The following ZNF281 variants were observed in gnomAD, a reference collection of about 807,000 sequenced individuals.
The protein encoded by ZNF281 is zinc finger protein 281.
A neutral mutation model predicts 58.8 loss-of-function variants in ZNF281; 2 were observed. The ratio of observed to expected loss-of-function variants is 0.03; its 90% CI spans 0.01 to 0.11. The LOEUF (loss-of-function observed/expected upper bound fraction) is 0.11, where lower values mean the gene tolerates loss of function less well. Among genes scored for constraint, ZNF281 ranks in the 10% least tolerant of loss-of-function variants. The pLI, the probability that ZNF281 is intolerant of heterozygous loss-of-function variation, is 1.00. For synonymous variants in ZNF281, 465 were observed against 407.7 expected (o/e 1.14, Z -1.69); for missense variants, 975 against 1,090.7 (o/e 0.89, Z 1.49).
intron 1 of ZNF281, 54 bp downstream of exon 1, chr1:200,409,892 C>A: frequency 1.1e-6 from 1 of 871,474 alleles, no homozygotes; most frequent in Non-Finnish European, 1.7e-6. Flanking sequence ...CATGGTCCTG[C>A]GACTCTTCCC....
Position 200,409,427 on chromosome 1 carries a change from C to A in ZNF281, c.279G>T (p.Pro93=), listed in dbSNP as rs1413170091. The A allele has an allele frequency of 6.7e-7, 1 of 1,499,846 alleles. No individual in the cohort carries two copies. The highest frequency in any genetic ancestry group is 1.3e-5 in the South Asian group (1 of 79,624). The allele number at this position is 1,499,846 out of a possible 1,614,324, so 92.9% of individuals were successfully genotyped here. A position where few individuals can be genotyped will look rare whatever the true frequency, so the allele number is the denominator to read the frequency against. ...TCTTGAAAGTCATGTCCGGGGCTGG[C>A]GGAGGGGGGGGCTCAGCGGCCGGGG... ...SAAPAAEPPP[P]PAPDMTFKKE... The change falls in exon 2 of 2, where the codon CCG becomes CCT. Residue 93 remains proline, a synonymous_variant. Coordinates refer to ENST00000367353, the MANE Select transcript of ZNF281 (RefSeq NM_001281293.2).
In ZNF281 at chr1:200,406,671, T is replaced by A. The variant is rs1654457907; in HGVS notation, c.*347A>T. The A allele has an allele frequency of 5.3e-6, 1 of 187,258 alleles. No individual in the cohort carries two copies. Among genetic ancestry groups the A allele is most frequent in the Non-Finnish European group, 1.1e-5 (1 of 91,590 alleles). 11.6% of individuals were successfully genotyped at this position (187,258 alleles called of 1,614,324 possible). A position where few individuals can be genotyped will look rare whatever the true frequency, so the allele number is the denominator to read the frequency against. On this transcript the variant is annotated 3_prime_UTR_variant, in exon 2 of 2. Transcript: ENST00000367353. The stretch of plus-strand genomic sequence containing the variant: ...AAAGCAATTAGAATAACCTTAATCC[T>A]AGCAACAAAGTTTTTTTTGTAGGTT...
In ZNF281 at chr1:200,409,073, C is replaced by T. The variant is rs141060939; in HGVS notation, c.633G>A (p.Glu211=). The T allele has an allele frequency of 9.1e-5, 147 of 1,614,064 alleles. No homozygotes were observed. Among genetic ancestry groups the T allele is most frequent in the Non-Finnish European group, 1.1e-4 (132 of 1,180,046 alleles). Residue 211 remains glutamate, a synonymous_variant, in exon 2 of 2, where the codon GAG becomes GAA. Transcript: ENST00000367353. ...SRTDDHHGTE[E]PKQDTNVKKA... The stretch of plus-strand genomic sequence containing the variant: ...TTTTGACATTAGTGTCCTGCTTTGG[C>T]TCCTCAGTGCCATGGTGGTCATCAG...
In ZNF281 at chr1:200,407,574, T is replaced by C. The variant is rs538737153; in HGVS notation, c.2132A>G (p.Tyr711Cys). 2 of 1,614,228 alleles carry C rather than the reference T, an allele frequency of 1.2e-6. No homozygotes were observed. Among genetic ancestry groups the C allele is most frequent in the East Asian group, 4.5e-5 (2 of 44,886 alleles). ...NHTLFPEKQI[Y>C]TTSPLECGFG... ...ACCACACTCCAAAGGAGACGTAGTG[T>C]ATATTTGTTTTTCTGGAAACAAAGT... Residue 711 changes from tyrosine (Y) to cysteine (C), a missense_variant, in exon 2 of 2, where the codon TAC (tyrosine) becomes TGC (cysteine). Around this residue, in one of 3 missense-constraint regions of ZNF281, gnomAD observed 579 missense variants for 608.9 expected, o/e 0.95. Coordinates refer to ENST00000367353, the MANE Select transcript of ZNF281 (RefSeq NM_001281293.2).
Position 200,409,494 on chromosome 1 carries a change from G to A in ZNF281, c.212C>T (p.Ala71Val). The A allele has an allele frequency of 6.5e-7, 1 of 1,548,812 alleles. No individual in the cohort carries two copies. The highest frequency in any genetic ancestry group is 8.7e-7 in the Non-Finnish European group (1 of 1,146,154). The change falls in exon 2 of 2, where the codon GCC (alanine) becomes GTC (valine). Residue 71 changes from alanine (A) to valine (V), a missense_variant. This residue lies in a region of ZNF281 where 370 missense variants were observed against 360.9 expected (regional missense o/e 1.03). Coordinates refer to ENST00000367353, the MANE Select transcript of ZNF281 (RefSeq NM_001281293.2). ...GGATAACACGCATTGCGGGGGAGGG[G>A]CGGCCGACCCCGCCGGCCGGGTGAA... ...TSFTRPAGSA[A>V]PPPQCVLSSS...
At position 200,406,911 on chromosome 1, in the gene ZNF281, CA is replaced by C; in HGVS notation, c.*106del. The C allele has an allele frequency of 9.7e-7, 1 of 1,033,096 alleles. No individual in the cohort carries two copies. Among genetic ancestry groups the C allele is most frequent in the South Asian group, 2.0e-5 (1 of 49,902 alleles). 64.0% of individuals were successfully genotyped at this position (1,033,096 alleles called of 1,614,324 possible). A position where few individuals can be genotyped will look rare whatever the true frequency, so the allele number is the denominator to read the frequency against. Reference sequence around the variant, plus strand: ...AATATGAAAAGTTGCATTGAAAGGGCATCACATTATTCTTAATAGGATCGTG... The same window carrying C: ...AATATGAAAAGTTGCATTGAAAGGGCTCACATTATTCTTAATAGGATCGTG... On this transcript the variant is annotated 3_prime_UTR_variant, in exon 2 of 2. Coordinates refer to ENST00000367353, the MANE Select transcript of ZNF281 (RefSeq NM_001281293.2).
rs1558004999 is a variant in ZNF281, at chr1:200,407,970, GCCT to G, written c.1733_1735del (p.Glu578del). The G allele has an allele frequency of 6.2e-7, 1 of 1,614,186 alleles. No homozygotes were observed. Reference sequence around the variant, plus strand: ...TGAGGAGTCAATAAGTGACAATGGTGCCTCATTGTCCAAAACACTGACACCTGC... The same window carrying G: ...TGAGGAGTCAATAAGTGACAATGGTGCATTGTCCAAAACACTGACACCTGC... On this transcript the variant is annotated inframe_deletion, in exon 2 of 2. Transcript: ENST00000367353.
In ZNF281 at chr1:200,409,934, G is replaced by C. The variant is rs189973930; in HGVS notation, c.-19+12C>G. The C allele has an allele frequency of 1.8e-6, 1 of 560,558 alleles. No individual in the cohort carries two copies. The highest frequency in any genetic ancestry group is 2.9e-6 in the Non-Finnish European group (1 of 339,702). 34.7% of individuals were successfully genotyped at this position (560,558 alleles called of 1,614,324 possible). A position where few individuals can be genotyped will look rare whatever the true frequency, so the allele number is the denominator to read the frequency against. On this transcript the variant is annotated intron_variant, in intron 1 of 1. Coordinates refer to ENST00000367353, the MANE Select transcript of ZNF281 (RefSeq NM_001281293.2). Reference sequence around the variant, plus strand: ...TCGCCCTCTCCCTCCTGGACCCACCGGCAATACTTACGGGTCCCGCCGCCG... The same window carrying C: ...TCGCCCTCTCCCTCCTGGACCCACCCGCAATACTTACGGGTCCCGCCGCCG...
Position 200,408,242 on chromosome 1 carries a change from G to A in ZNF281, c.1464C>T (p.Asp488=), listed in dbSNP as rs772558459. The change falls in exon 2 of 2, where the codon GAC becomes GAT. Residue 488 remains aspartate, a synonymous_variant. Coordinates refer to ENST00000367353, the MANE Select transcript of ZNF281 (RefSeq NM_001281293.2). ...CAGACAAGGATTTCTGTCCTACTAT[G>A]TCTGGTAATGGTGACACAAAGTTAA... The part of the protein sequence containing the change: ...NYLNFVSPLP[D]IVGQKSLSGK... 5.0e-6 allele frequency: 8 copies of A among 1,611,946 alleles called. No homozygotes were observed. Among genetic ancestry groups the A allele is most frequent in the Non-Finnish European group, 5.9e-6 (7 of 1,180,026 alleles).
In ZNF281 at chr1:200,408,160, G is replaced by A; in HGVS notation, c.1546C>T (p.Leu516Phe). Residue 516 changes from leucine to phenylalanine, a missense_variant, in exon 2 of 2, where the codon CTT becomes TTT. Transcript: ENST00000367353. The part of the protein sequence containing the change: ...VSNNSVETIG[L>F]LQSTSGKQGQ... Reference sequence around the variant, plus strand: ...TGTTTGCCACTTGTACTTTGGAGAAGACCAATGGTCTCCACACTATTATTT... The same window carrying A: ...TGTTTGCCACTTGTACTTTGGAGAAAACCAATGGTCTCCACACTATTATTT... The A allele has an allele frequency of 6.2e-7, 1 of 1,614,028 alleles. No homozygotes were observed. Among genetic ancestry groups the A allele is most frequent in the Non-Finnish European group, 8.5e-7 (1 of 1,180,016 alleles).
At position 200,407,792 on chromosome 1, in the gene ZNF281, T is replaced by C. The variant is rs774494417; in HGVS notation, c.1914A>G (p.Ser638=). The stretch of plus-strand genomic sequence containing the variant: ...CTTGAACCAATTCTGAGTGTTCTCC[T>C]GAGGTGTGTAAATCCACTCGTGGTT... ...IAEPRVDLHT[S]GEHSELVQEE... The change falls in exon 2 of 2, where the codon TCA becomes TCG. Residue 638 remains serine, a synonymous_variant. Coordinates refer to ENST00000367353, the MANE Select transcript of ZNF281 (RefSeq NM_001281293.2). 4 of 1,614,218 alleles carry C rather than the reference T, an allele frequency of 2.5e-6. No individual in the cohort carries two copies. In the Admixed American group the frequency reaches 5.0e-5, roughly 20 times the overall value.
In ZNF281 at chr1:200,406,897, T is replaced by C; in HGVS notation, c.*121A>G. ...AACAAAATAAACTAAATATGAAAAG[T>C]TGCATTGAAAGGGCATCACATTATT... On this transcript the variant is annotated 3_prime_UTR_variant, in exon 2 of 2. Coordinates refer to ENST00000367353, the MANE Select transcript of ZNF281 (RefSeq NM_001281293.2). 2 of 878,762 alleles carry C rather than the reference T, an allele frequency of 2.3e-6. No individual in the cohort carries two copies. The highest frequency in any genetic ancestry group is 3.1e-5 in the Admixed American group (1 of 32,068). The allele number at this position is 878,762 out of a possible 1,614,324, so 54.4% of individuals were successfully genotyped here. A position where few individuals can be genotyped will look rare whatever the true frequency, so the allele number is the denominator to read the frequency against.
rs74484749 is a variant in ZNF281, at chr1:200,409,756, G to A, written c.-18-33C>T. ...AAGGAGGAGGAAGAGGGAAGAGGGA[G>A]GAAAGGAGGTGGAACCGGGCCCCGG... On this transcript the variant is annotated intron_variant, in intron 1 of 1. Coordinates refer to ENST00000367353, the MANE Select transcript of ZNF281 (RefSeq NM_001281293.2). 5.2e-4 allele frequency: 819 copies of A among 1,571,564 alleles called. 2 individuals carry two copies. In the African/African-American group the frequency reaches 0.01, roughly 20 times the overall value.
chr1:200,407,737 G>C lies in ZNF281; in HGVS notation c.1969C>G (p.Pro657Ala). 6.2e-7 allele frequency: 1 copy of C among 1,614,154 alleles called. No individual in the cohort carries two copies. The highest frequency in any genetic ancestry group is 8.5e-7 in the Non-Finnish European group (1 of 1,180,030). ...AACATACTTGCTTTATCATTTGAAG[G>C]TGTTTGGGTGCCTGGGCTCAAATTT... ...EENLSPGTQT[P>A]SNDKASMLQE... The change falls in exon 2 of 2, where the codon CCT (proline) becomes GCT (alanine). Residue 657 changes from proline (P) to alanine (A), a missense_variant. Around this residue, in one of 3 missense-constraint regions of ZNF281, gnomAD observed 579 missense variants for 608.9 expected, o/e 0.95. Transcript: ENST00000367353.
rs1654502588 is a variant in ZNF281, at chr1:200,408,080, T to C, written c.1626A>G (p.Arg542=). ...DDAMQFSKKR[R]YLPTASSNSA... is the part of the protein sequence containing the mutation. The stretch of plus-strand genomic sequence containing the variant: ...TGTTGCTGCTGGCAGTTGGTAAATA[T>C]CTTCTTTTCTTTGAAAACTGCATGG... The change falls in exon 2 of 2, where the codon AGA becomes AGG. Residue 542 remains arginine (R), a synonymous_variant. Coordinates refer to ENST00000367353, the MANE Select transcript of ZNF281 (RefSeq NM_001281293.2). 3 of 1,614,044 alleles carry C rather than the reference T, an allele frequency of 1.9e-6. No homozygotes were observed. The South Asian group carries it at 3.3e-5, about 18-fold the overall frequency.
chr1:200,406,237 T>C lies in ZNF281; in HGVS notation c.*781A>G, dbSNP rs1571692485. 1 of 152,540 alleles carries C rather than the reference T, an allele frequency of 6.6e-6. No individual in the cohort carries two copies. The highest frequency in any genetic ancestry group is 2.4e-5 in the African/African-American group (1 of 41,422). 9.4% of individuals were successfully genotyped at this position (152,540 alleles called of 1,614,324 possible). A position where few individuals can be genotyped will look rare whatever the true frequency, so the allele number is the denominator to read the frequency against. On this transcript the variant is annotated 3_prime_UTR_variant, in exon 2 of 2. Transcript: ENST00000367353. ...ACTAGATGTCAGTAGAATCGCTTGA[T>C]GGAATTACAGCCTTGTTACAGTTGA... is the stretch of plus-strand genomic sequence containing the variant.
Position 200,408,572 on chromosome 1 carries a change from T to G in ZNF281, c.1134A>C (p.Ala378=), listed in dbSNP as rs140869522. 441 of 1,614,120 alleles carry G rather than the reference T, an allele frequency of 2.7e-4. No homozygotes were observed. Among genetic ancestry groups the G allele is most frequent in the Non-Finnish European group, 3.5e-4 (409 of 1,180,054 alleles). Residue 378 remains alanine, a synonymous_variant, in exon 2 of 2, where the codon GCA becomes GCC. Transcript: ENST00000367353. ...TGGTATGGTTTGATGACCCAGGTTC[T>G]GCACTAGTGGCTCCTTTAACTATGA... ...GEVIVKGATS[A]EPGSSNHTNM...
rs758683019 is a variant in ZNF281, at chr1:200,408,241, T to C, written c.1465A>G (p.Ile489Val). 3.7e-5 allele frequency: 59 copies of C among 1,612,048 alleles called. No individual in the cohort carries two copies. The highest frequency in any genetic ancestry group is 4.4e-5 in the Non-Finnish European group (52 of 1,180,038). ...YLNFVSPLPD[I>V]VGQKSLSGKP... is the part of the protein sequence containing the mutation. The stretch of plus-strand genomic sequence containing the variant: ...CCAGACAAGGATTTCTGTCCTACTA[T>C]GTCTGGTAATGGTGACACAAAGTTA... The change falls in exon 2 of 2, where the codon ATA (isoleucine) becomes GTA (valine). Residue 489 changes from isoleucine to valine, a missense_variant. This residue lies in a region of ZNF281 where 579 missense variants were observed against 608.9 expected (regional missense o/e 0.95). Coordinates refer to ENST00000367353, the MANE Select transcript of ZNF281 (RefSeq NM_001281293.2).
rs994044498 is a variant in ZNF281, at chr1:200,409,489, G to A, written c.217C>T (p.Pro73Ser). 21 of 1,548,282 alleles carry A rather than the reference G, an allele frequency of 1.4e-5. No homozygotes were observed. In the Admixed American group the frequency reaches 3.7e-4, roughly 28 times the overall value. ...GAGGAGGATAACACGCATTGCGGGG[G>A]AGGGGCGGCCGACCCCGCCGGCCGG... The part of the protein sequence containing the change: ...FTRPAGSAAP[P>S]PQCVLSSSTS... Residue 73 changes from proline to serine, a missense_variant, in exon 2 of 2, where the codon CCC (proline) becomes TCC (serine). Transcript: ENST00000367353.
Sources: allele counts gnomAD v4.1 joint callset, GRCh38; gene constraint gnomAD v4.1.1; regional missense constraint gnomAD v4.1.1; transcripts MANE v1.5; gene names NCBI Gene and HGNC (gene_info 2026-07-23, HGNC 2026-07-21).